KDM5B: variants seen among roughly 807,000 people sequenced by gnomAD.
KDM5B encodes the protein lysine demethylase 5B.
A neutral mutation model predicts 193.4 loss-of-function variants in KDM5B; 144 were observed. The observed-to-expected ratio is 0.74, with a 90% CI of 0.65 to 0.86. KDM5B has a LOEUF of 0.86. Among genes scored for constraint, KDM5B ranks in the 40% least tolerant of loss-of-function variants. The probability of loss-of-function intolerance (pLI) is 0.00; values close to 1 mark genes in which losing one functional copy is unlikely to be tolerated. For synonymous variants in KDM5B, 668 were observed against 682.6 expected (o/e 0.98, Z 0.33); for missense variants, 1,833 against 1,886.9 (o/e 0.97, Z 0.53).
chr1:202,755,541 T>C, intron 10 of KDM5B, 89 bp from the exon 11 acceptor site: 1 of 1,058,650 alleles, frequency 9.4e-7, no homozygotes, highest in Non-Finnish European at 1.4e-6. Flanking sequence ...TCCTTCAAAA[T>C]AAAAAAAGAA....
rs1655061759 is a variant in KDM5B, at chr1:202,735,602, G to A, written c.3265-15C>T. On this transcript the variant is annotated splice_polypyrimidine_tract_variant and intron_variant, in intron 21 of 26. Transcript: ENST00000367265. ...GGACACAGCACCTAATGTGGGACAA[G>A]GCACAACCAATGGTAAAATAAATTT... is the stretch of plus-strand genomic sequence containing the variant. 1 of 1,609,486 alleles carries A rather than the reference G, an allele frequency of 6.2e-7. No individual in the cohort carries two copies. The highest frequency in any genetic ancestry group is 1.3e-5 in the African/African-American group (1 of 74,624).
At chr1:202,803,196 T>G (rs1467207262) in intron 1 of KDM5B, among the ~76,000 whole-genome samples, 5 of 151,992 alleles carry the variant, frequency 3.3e-5, no homozygotes, top group Non-Finnish European at 2.9e-5. Context: ...TAATAGAGAA[T>G]GTTTATTAAT....
intron 20 of KDM5B, among the ~76,000 whole-genome samples, chr1:202,739,696 C>T (rs1347702220): frequency 1.3e-5 from 2 of 152,136 alleles, no homozygotes; most frequent in Admixed American, 1.3e-4. Context: ...ATGCTGCCTT[C>T]AAGCATCTGT....
intron 11 of KDM5B, 141 bp downstream of exon 11, chr1:202,755,130 T>C: frequency 1.7e-6 from 1 of 591,894 alleles, no homozygotes; most frequent in South Asian, 2.6e-5. Flanking sequence ...TCAGGATGCC[T>C]GTTCTAACAG....
At chr1:202,750,626 T>C in intron 13 of KDM5B, 33 bp downstream of exon 13, 4 of 1,603,580 alleles carry the variant, frequency 2.5e-6, no homozygotes, top group East Asian at 2.2e-5. Flanking sequence ...AAACAATAAA[T>C]TTGAAAAGGT....
Position 202,729,928 on chromosome 1 carries a change from G to T in KDM5B, c.4276C>A (p.Arg1426=), listed in dbSNP as rs764916645. 1.9e-6 allele frequency: 3 copies of T among 1,613,878 alleles called. No homozygotes were observed. Among genetic ancestry groups the T allele is most frequent in the Non-Finnish European group, 2.5e-6 (3 of 1,179,980 alleles). Residue 1426 remains arginine, a synonymous_variant, in exon 26 of 27, where the codon CGA becomes AGA. Transcript: ENST00000367265. ...TTGGGGGTCCGCATTTTCTTAACTC[G>T]TTCCCACCGCTCACTGGAGAGGCCC... ...REGLSSERWE[R]VKKMRTPKKK...
At chr1:202,772,694 C>CTTT (rs796278655) in intron 4 of KDM5B, among the ~76,000 whole-genome samples, 1 of 145,522 alleles carries the variant, frequency 6.9e-6, no homozygotes, top group African/African-American at 2.5e-5. Context: ...AAAACAAGGT[C>CTTT]TTTTTTTTTT....
intron 14 of KDM5B, among the ~76,000 whole-genome samples, chr1:202,746,937 G>A (rs544057722): frequency 4.3e-4 from 65 of 152,244 alleles, no homozygotes; most frequent in Non-Finnish European, 8.2e-4. Flanking sequence ...GGAAAAATAA[G>A]GTCTTGAACC....
intron 1 of KDM5B, among the ~76,000 whole-genome samples, chr1:202,778,461 T>C (rs986902725): frequency 6.6e-6 from 1 of 152,190 alleles, no homozygotes; most frequent in African/African-American, 2.4e-5. Context: ...GTAATGGCTG[T>C]ACAGCAATGT....
intron 1 of KDM5B, among the ~76,000 whole-genome samples, chr1:202,798,558 C>T (rs972338169): frequency 7.2e-5 from 11 of 151,968 alleles, no homozygotes. Flanking sequence ...GAGACACCAT[C>T]TCTACAAAAA....
At chr1:202,732,628 T>TG (rs1366894332) in intron 23 of KDM5B, among the ~76,000 whole-genome samples, 1 of 151,868 alleles carries the variant, frequency 6.6e-6, no homozygotes, top group Non-Finnish European at 1.5e-5. Context: ...CTGTTTTTTT[T>TG]TTTGTTTGGT....
intron 12 of KDM5B, 57 bp downstream of exon 12, chr1:202,752,848 G>A: frequency 6.7e-7 from 1 of 1,493,080 alleles, no homozygotes; most frequent in Non-Finnish European, 9.2e-7. Flanking sequence ...GAATAAAAAG[G>A]AAAAAGAGAA....
intron 1 of KDM5B, among the ~76,000 whole-genome samples, chr1:202,803,556 G>A (rs1658161919): frequency 1.3e-5 from 2 of 152,086 alleles, no homozygotes; most frequent in African/African-American, 4.8e-5. Flanking sequence ...AGGTGCGGTG[G>A]CTCACGTCTG....
At chr1:202,733,018 T>G (rs1425035660) in intron 23 of KDM5B, among the ~76,000 whole-genome samples, 1 of 152,216 alleles carries the variant, frequency 6.6e-6, no homozygotes. Context: ...TGTTTTCCCT[T>G]TCTACTAATT....
At chr1:202,758,772 G>T (rs1327214850) in intron 8 of KDM5B, 2 of 277,370 alleles carry the variant, frequency 7.2e-6, no homozygotes, top group African/African-American at 4.4e-5. Context: ...ATTTATAAGA[G>T]GCAGGCTAAA....
chr1:202,746,471 G>A (rs1315090028), intron 14 of KDM5B, 148 bp from the exon 15 acceptor site: 4 of 540,824 alleles, frequency 7.4e-6, no homozygotes, highest in Non-Finnish European at 1.3e-5. Flanking sequence ...GGCATACAAA[G>A]AAACAAATGA....
intron 1 of KDM5B, among the ~76,000 whole-genome samples, chr1:202,801,032 AAAGCT>A (rs929879918): frequency 2.8e-4 from 42 of 152,340 alleles, no homozygotes; most frequent in African/African-American, 9.6e-4. Flanking sequence ...GAATAGGACA[AAAGCT>A]AAGCTAAGCT....
chr1:202,732,083 G>C (rs1240423206), intron 23 of KDM5B, 144 bp from the exon 24 acceptor site: 1 of 594,938 alleles, frequency 1.7e-6, no homozygotes, highest in Admixed American at 3.4e-5. Context: ...CTACTGAAGA[G>C]TCTCCTGGCA....
chr1:202,753,956 G>A (rs538850009), intron 11 of KDM5B, among the ~76,000 whole-genome samples: 1 of 152,126 alleles, frequency 6.6e-6, no homozygotes, highest in Non-Finnish European at 1.5e-5. Flanking sequence ...GAGCCACCAT[G>A]CCCAGCCAAT....
Sources: gnomAD v4.1 joint callset for allele counts (sites outside exome capture counted in the v4.1 genomes callset) on GRCh38, gnomAD v4.1.1 for gene constraint, MANE v1.5 for transcripts, NCBI Gene and HGNC (gene_info 2026-07-23, HGNC 2026-07-21) for gene names.